The following RIMS2 variants were observed in gnomAD, a reference collection of about 807,000 sequenced individuals.
RIMS2 encodes the protein regulating synaptic membrane exocytosis 2.
In RIMS2, 59 loss-of-function variants were observed where a neutral mutation model predicts 174.4. The observed-to-expected ratio is 0.34, with a 90% CI of 0.27 to 0.42. RIMS2 has a LOEUF of 0.42. RIMS2 is among the 10% of genes least tolerant of loss of function. The pLI is 1.00. For synonymous variants in RIMS2, 606 were observed against 572.5 expected (o/e 1.06, Z -0.84); for missense variants, 1,620 against 1,666.3 (o/e 0.97, Z 0.48).
intron 1 of RIMS2, among the ~76,000 whole-genome samples, chr8:103,610,918 A>G (rs963818942): frequency 1.3e-5 from 2 of 152,168 alleles, no homozygotes; most frequent in African/African-American, 4.8e-5. Flanking sequence ...TTTTCTATAC[A>G]TCTGGTAGAA....
intron 1 of RIMS2, chr8:103,568,808 T>C (rs1382892097): frequency 8.9e-7 from 1 of 1,129,476 alleles, no homozygotes; most frequent in East Asian, 2.7e-5. Flanking sequence ...CAATCAGTGC[T>C]ATAAGAAGCT....
intron 3 of RIMS2, among the ~76,000 whole-genome samples, chr8:103,791,132 A>T (rs1446602126): frequency 6.6e-6 from 1 of 152,222 alleles, no homozygotes; most frequent in Non-Finnish European, 1.5e-5. Flanking sequence ...AGATTCACCA[A>T]AGTTGAAATG....
downstream of RIMS2, chr8:104,253,496 TCA>T (rs2099363535): frequency 1.3e-5 from 2 of 152,142 alleles, no homozygotes; most frequent in African/African-American, 4.8e-5. Context: ...TCAAAGAAAG[TCA>T]TTATGCCTAT....
chr8:104,245,009 G>T (rs1402650486), exon 20 of RIMS2: 1 of 1,613,952 alleles, frequency 6.2e-7, no homozygotes, highest in Non-Finnish European at 8.5e-7. Flanking sequence ...CGACAGGCAA[G>T]CCGAGAGTCT....
intron 19 of RIMS2, among the ~76,000 whole-genome samples, chr8:104,069,463 C>CTTTTTTTTTT (rs71297250): frequency 2.2e-5 from 2 of 91,964 alleles, no homozygotes; most frequent in African/African-American, 4.1e-5. Flanking sequence ...ATTAATTGTT[C>CTTTTTTTTTT]TTTTTTTTTT....
chr8:103,705,623 G>A (rs1024991221), intron 2 of RIMS2, among the ~76,000 whole-genome samples: 1 of 151,760 alleles, frequency 6.6e-6, no homozygotes, highest in South Asian at 2.1e-4. Flanking sequence ...TATATATTTG[G>A]GTTCTATGAC....
intron 3 of RIMS2, among the ~76,000 whole-genome samples, chr8:103,858,406 A>G (rs1007678667): frequency 6.6e-5 from 10 of 152,096 alleles, no homozygotes; most frequent in Admixed American, 3.9e-4. Context: ...CAACTTTCCA[A>G]TTTTATTTTA....
intron 1 of RIMS2, among the ~76,000 whole-genome samples, chr8:103,611,612 C>G (rs1347922786): frequency 1.3e-5 from 2 of 151,564 alleles, no homozygotes; most frequent in African/African-American, 4.8e-5. Context: ...ATGCCACTCT[C>G]TCCTGGCCTG....
chr8:103,547,336 A>C (rs1845590926), intron 1 of RIMS2, among the ~76,000 whole-genome samples: 1 of 152,220 alleles, frequency 6.6e-6, no homozygotes, highest in Admixed American at 6.5e-5. Flanking sequence ...AAATGAGTGA[A>C]TGAAGATATT....
intron 19 of RIMS2, among the ~76,000 whole-genome samples, chr8:104,038,890 T>C (rs904114005): frequency 2.8e-4 from 43 of 151,990 alleles, no homozygotes; most frequent in African/African-American, 1.0e-3. Context: ...TAAAGTTATA[T>C]TTTTATGTAG....
chr8:103,736,181 T>C (rs2097683158), intron 2 of RIMS2, among the ~76,000 whole-genome samples: 1 of 152,220 alleles, frequency 6.6e-6, no homozygotes, highest in Admixed American at 6.5e-5. Flanking sequence ...TCATACTTGT[T>C]GTAATGTGAG....
At chr8:104,060,204 C>G (rs897898851) in intron 19 of RIMS2, among the ~76,000 whole-genome samples, 15 of 151,180 alleles carry the variant, frequency 9.9e-5, no homozygotes, top group African/African-American at 3.4e-4. Flanking sequence ...TGGTCCTGGA[C>G]TCTTTTTGGT....
chr8:103,939,112 AGGT>A (rs1361556229), intron 13 of RIMS2, among the ~76,000 whole-genome samples: 1 of 152,172 alleles, frequency 6.6e-6, no homozygotes, highest in East Asian at 1.9e-4. Flanking sequence ...CAGCTCCACT[AGGT>A]GGTGCCCCAG....
At chr8:104,228,170 A>G (rs2099201025) in intron 19 of RIMS2, among the ~76,000 whole-genome samples, 2 of 151,912 alleles carry the variant, frequency 1.3e-5, no homozygotes, top group African/African-American at 4.8e-5. Context: ...CTGGGACTAC[A>G]GGCATGTGCC....
At chr8:104,026,678 A>AAT (rs1375848080) in intron 19 of RIMS2, among the ~76,000 whole-genome samples, 1 of 152,212 alleles carries the variant, frequency 6.6e-6, no homozygotes, top group Non-Finnish European at 1.5e-5. Context: ...AACATATTTA[A>AAT]AAAGTTTACA....
chr8:104,224,619 G>A (rs1392916990), intron 19 of RIMS2, among the ~76,000 whole-genome samples: 1 of 152,116 alleles, frequency 6.6e-6, no homozygotes, highest in Non-Finnish European at 1.5e-5. Context: ...TCCGGAGTAG[G>A]TTCGTTATCA....
intron 1 of RIMS2, among the ~76,000 whole-genome samples, chr8:103,536,671 T>C (rs1563685037): frequency 6.6e-6 from 1 of 152,060 alleles, no homozygotes; most frequent in Admixed American, 6.5e-5. Context: ...TATACGCTTT[T>C]AAATAGCTAG....
chr8:103,755,886 G>T (rs945435574), intron 2 of RIMS2, among the ~76,000 whole-genome samples: 3 of 152,088 alleles, frequency 2.0e-5, no homozygotes, highest in African/African-American at 7.2e-5. Context: ...CCTTTAGTTT[G>T]GAGGAGTTTG....
intron 3 of RIMS2, among the ~76,000 whole-genome samples, chr8:103,848,585 T>C (rs2098980292): frequency 6.6e-6 from 1 of 152,032 alleles, no homozygotes; most frequent in Admixed American, 6.6e-5. Context: ...TGAGATCAGA[T>C]GTTCCATTTC....
Sources: allele counts gnomAD v4.1 joint callset (sites outside exome capture counted in the v4.1 genomes callset), GRCh38; gene constraint gnomAD v4.1.1; transcripts MANE v1.5; gene names NCBI Gene and HGNC (gene_info 2026-07-23, HGNC 2026-07-21).